The following PDE10A variants were observed in gnomAD, a reference collection of about 807,000 sequenced individuals.
PDE10A encodes the protein phosphodiesterase 10A.
Under a neutral mutation model 97.7 loss-of-function variants are expected in PDE10A, and 39 were observed. The ratio of observed to expected loss-of-function variants is 0.40; its 90% confidence interval spans 0.31 to 0.52. The LOEUF is 0.52. Ranked by LOEUF, PDE10A falls within the 20% of genes least tolerant of loss-of-function variation. The pLI, the probability that PDE10A is intolerant of heterozygous loss-of-function variation, is 0.56. For missense variants in PDE10A, 731 were observed against 1,047.8 expected (o/e 0.70, Z 4.17); for synonymous variants, 371 against 376.8 (o/e 0.98, Z 0.18).
intron 1 of PDE10A, among the ~76,000 whole-genome samples, chr6:165,614,371 C>G (rs985792218): frequency 2.6e-5 from 4 of 152,150 alleles, no homozygotes; most frequent in African/African-American, 9.7e-5. Context: ...ACCTCTTCAG[C>G]TTCACATCCA....
intron 1 of PDE10A, among the ~76,000 whole-genome samples, chr6:165,946,069 CA>C (rs11308997): frequency 0.53 from 80,189 of 151,692 alleles, 22,580 homozygotes; most frequent in African/African-American, 0.73. Context: ...GGGTCATAAC[CA>C]AAAAAAAATC....
At chr6:165,522,442 T>C (rs532509052) in intron 2 of PDE10A, among the ~76,000 whole-genome samples, 1 of 152,248 alleles carries the variant, frequency 6.6e-6, no homozygotes, top group Admixed American at 6.5e-5. Flanking sequence ...TATCACAAAG[T>C]TAATTCGCCA....
chr6:165,795,102 C>T (rs1468582685), intron 1 of PDE10A, among the ~76,000 whole-genome samples: 1 of 152,200 alleles, frequency 6.6e-6, no homozygotes, highest in African/African-American at 2.4e-5. Flanking sequence ...CCACTCTTCC[C>T]GGCAATGGCT....
rs182319195 is a variant in PDE10A at position 165,821,745 on chromosome 6, G to A, written c.-615+165784C>T. 9.7e-4 allele frequency among the ~76,000 whole-genome samples: 148 copies of A among 152,214 alleles called. 1 individual carries two copies. Among genetic ancestry groups the A allele is most frequent in the Non-Finnish European group, 1.6e-3 (108 of 68,014 alleles). On this transcript the variant is annotated intron_variant, in intron 1 of 19. Coordinates refer to the PDE10A transcript ENST00000366882. ...TTTAGTAGAGACAGGGTTTCACCAT[G>A]TTGGCCAGGCTCGTCTCAAACTCCT...
intron 1 of PDE10A, among the ~76,000 whole-genome samples, chr6:165,898,717 G>A (rs556505445): frequency 3.9e-5 from 6 of 152,118 alleles, no homozygotes; most frequent in Admixed American, 6.5e-5. Context: ...CCCACTCCCA[G>A]ACTCAGCCCT....
At chr6:165,782,025 G>A (rs540685115) in intron 1 of PDE10A, 16 of 152,308 alleles carry the variant, frequency 1.1e-4, no homozygotes, top group South Asian at 1.0e-3. Context: ...AGGTAAAAAA[G>A]TCCAAAGAAG....
intron 1 of PDE10A, among the ~76,000 whole-genome samples, chr6:165,623,495 G>GGA (rs201893782): frequency 6.9e-5 from 9 of 129,900 alleles, no homozygotes; most frequent in Admixed American, 5.8e-4. Context: ...GATGACAGAG[G>GGA]GAGAGAGAGA....
chr6:165,673,465 G>T (rs1327625098), intron 1 of PDE10A, among the ~76,000 whole-genome samples: 1 of 152,210 alleles, frequency 6.6e-6, no homozygotes, highest in Non-Finnish European at 1.5e-5. Flanking sequence ...GAAAGGCGAG[G>T]GTTAAAACCT....
At chr6:165,880,992 C>G (rs529795168) in intron 1 of PDE10A, among the ~76,000 whole-genome samples, 66 of 152,306 alleles carry the variant, frequency 4.3e-4, no homozygotes, top group African/African-American at 1.4e-3. Flanking sequence ...GTTTAAGAAG[C>G]CTTCTGTGTA....
intron 18 of PDE10A, among the ~76,000 whole-genome samples, chr6:165,344,835 T>C (rs1327113172): frequency 6.6e-6 from 1 of 152,202 alleles, no homozygotes; most frequent in East Asian, 1.9e-4. Flanking sequence ...TTAGACTAAA[T>C]CACTTTACAA....
chr6:165,919,061 TA>T (rs994696756), intron 1 of PDE10A, among the ~76,000 whole-genome samples: 1 of 152,166 alleles, frequency 6.6e-6, no homozygotes, highest in Non-Finnish European at 1.5e-5. Flanking sequence ...ATAGAGAAGA[TA>T]AAGGAGGTCC....
chr6:165,908,239 G>A (rs371913034), intron 1 of PDE10A, among the ~76,000 whole-genome samples: 6 of 152,326 alleles, frequency 3.9e-5, no homozygotes, highest in South Asian at 2.1e-4. Flanking sequence ...GAGAGCCAGC[G>A]AGGGCTGCCA....
intron 1 of PDE10A, among the ~76,000 whole-genome samples, chr6:165,647,849 C>T (rs1446847125): frequency 6.6e-6 from 1 of 152,064 alleles, no homozygotes; most frequent in Non-Finnish European, 1.5e-5. Context: ...CCTGAAGGCA[C>T]TATTGCAAAC....
intron 1 of PDE10A, among the ~76,000 whole-genome samples, chr6:165,826,403 A>G (rs117071085): frequency 4.8e-5 from 6 of 125,752 alleles, no homozygotes; most frequent in South Asian, 3.1e-4. Context: ...TCGTGTCCCC[A>G]TGTCCCTCTG....
chr6:165,691,320 A>G (rs1791291223), intron 1 of PDE10A, among the ~76,000 whole-genome samples: 1 of 150,818 alleles, frequency 6.6e-6, no homozygotes, highest in South Asian at 2.1e-4. Flanking sequence ...TTATGATACC[A>G]TATTTTTACT....
intron 1 of PDE10A, among the ~76,000 whole-genome samples, chr6:165,932,262 C>T (rs1368793984): frequency 6.6e-6 from 1 of 152,138 alleles, no homozygotes; most frequent in Non-Finnish European, 1.5e-5. Context: ...AACTTTGTTA[C>T]ATTTTTTATC....
chr6:165,424,901 A>G (rs916422665), intron 10 of PDE10A, among the ~76,000 whole-genome samples: 3 of 152,182 alleles, frequency 2.0e-5, no homozygotes, highest in African/African-American at 7.2e-5. Context: ...TAGGAATAGA[A>G]GGAAATGTTT....
intron 1 of PDE10A, among the ~76,000 whole-genome samples, chr6:165,974,848 A>G (rs1201178316): frequency 9.9e-5 from 15 of 152,248 alleles, no homozygotes; most frequent in Admixed American, 5.2e-4. Flanking sequence ...GGAGGAACAG[A>G]GGGTGACTGT....
intron 1 of PDE10A, among the ~76,000 whole-genome samples, chr6:165,624,525 A>C (rs12206551): frequency 0.11 from 15,999 of 152,176 alleles, 936 homozygotes; most frequent in Non-Finnish European, 0.13. Flanking sequence ...AGCCCTCCTA[A>C]AACTTAACAT....
Sources: allele counts gnomAD v4.1 joint callset (sites outside exome capture counted in the v4.1 genomes callset), GRCh38; gene constraint gnomAD v4.1.1; transcripts MANE v1.5; gene names NCBI Gene and HGNC (gene_info 2026-07-23, HGNC 2026-07-21).